EIF4G3: variants seen among roughly 807,000 people sequenced by gnomAD.
EIF4G3 encodes the protein eIF-4-gamma 3.
Under a neutral mutation model 186.4 loss-of-function variants are expected in EIF4G3, and 34 were observed. That is an observed-to-expected ratio of 0.18 (90% confidence interval 0.14 to 0.24). The LOEUF is 0.24. EIF4G3 is among the 10% of genes least tolerant of loss of function. The pLI, the probability that EIF4G3 is intolerant of heterozygous loss-of-function variation, is 1.00. For missense variants in EIF4G3, 1,536 were observed against 1,948.5 expected (o/e 0.79, Z 3.99); for synonymous variants, 673 against 679.5 (o/e 0.99, Z 0.15).
At chr1:20,878,288 T>G (rs895345591) in intron 20 of EIF4G3, among the ~76,000 whole-genome samples, 3 of 152,204 alleles carry the variant, frequency 2.0e-5, no homozygotes, top group African/African-American at 7.2e-5. Context: ...GTATTCCCCA[T>G]TGTGTCAGGT....
At chr1:21,165,164 A>G (rs148410584) in intron 2 of EIF4G3, among the ~76,000 whole-genome samples, 12 of 152,354 alleles carry the variant, frequency 7.9e-5, no homozygotes, top group African/African-American at 2.9e-4. Flanking sequence ...CCTATAATCA[A>G]AAAGACAAAT....
chr1:20,839,878 G>C (rs1279056442), intron 30 of EIF4G3, among the ~76,000 whole-genome samples: 2 of 129,104 alleles, frequency 1.5e-5, no homozygotes, highest in African/African-American at 5.9e-5. Context: ...TTAATCATAT[G>C]TGCATTTAAT....
At chr1:20,966,367 C>A (rs560269742) in intron 12 of EIF4G3, among the ~76,000 whole-genome samples, 8 of 152,128 alleles carry the variant, frequency 5.3e-5, no homozygotes, top group Non-Finnish European at 7.3e-5. Context: ...TCTTCTTTGG[C>A]TGGCAGATTG....
At chr1:20,993,583 A>G (rs1002773624) in intron 7 of EIF4G3, among the ~76,000 whole-genome samples, 1 of 152,214 alleles carries the variant, frequency 6.6e-6, no homozygotes, top group African/African-American at 2.4e-5. Flanking sequence ...TTTAGAAACA[A>G]CAATCATTAA....
intron 20 of EIF4G3, among the ~76,000 whole-genome samples, chr1:20,872,743 G>T: frequency 9.2e-6 from 1 of 108,316 alleles, no homozygotes; most frequent in African/African-American, 3.6e-5. Context: ...TTTTGAGACA[G>T]AGCCTCACTC....
At chr1:20,903,761 G>T (rs1367032820) in intron 15 of EIF4G3, among the ~76,000 whole-genome samples, 1 of 152,116 alleles carries the variant, frequency 6.6e-6, no homozygotes, top group Admixed American at 6.6e-5. Flanking sequence ...CCCAAAGAAG[G>T]TAAGAATTAT....
intron 15 of EIF4G3, among the ~76,000 whole-genome samples, chr1:20,902,680 G>T (rs1054631843): frequency 6.6e-6 from 1 of 152,136 alleles, no homozygotes; most frequent in Non-Finnish European, 1.5e-5. Flanking sequence ...TCGTTCTGTT[G>T]TCCAGGCTGG....
chr1:21,153,094 G>A (rs2097577633), intron 2 of EIF4G3, among the ~76,000 whole-genome samples: 2 of 152,146 alleles, frequency 1.3e-5, no homozygotes, highest in South Asian at 4.1e-4. Flanking sequence ...GAAACTTTCA[G>A]GGACAATGGC....
chr1:20,911,891 T>TTA (rs1382983159), intron 14 of EIF4G3, among the ~76,000 whole-genome samples: 12 of 152,024 alleles, frequency 7.9e-5, no homozygotes, highest in Non-Finnish European at 1.0e-4. Context: ...CCTCTACCCC[T>TTA]TATATAAATA....
chr1:20,869,581 T>C (rs1029619461), intron 20 of EIF4G3, among the ~76,000 whole-genome samples: 5 of 151,604 alleles, frequency 3.3e-5, no homozygotes, highest in Admixed American at 6.6e-5. Context: ...TGAGACCATC[T>C]TGGCTAACAT....
intron 14 of EIF4G3, among the ~76,000 whole-genome samples, chr1:20,922,092 T>C (rs1389755179): frequency 6.6e-6 from 1 of 152,254 alleles, no homozygotes; most frequent in Non-Finnish European, 1.5e-5. Context: ...AGGCCTATAT[T>C]CGTATCAGTC....
At chr1:20,966,543 C>T (rs933196456) in intron 12 of EIF4G3, among the ~76,000 whole-genome samples, 3 of 151,442 alleles carry the variant, frequency 2.0e-5, no homozygotes, top group Admixed American at 1.3e-4. Context: ...GTGCTCTCAG[C>T]TCACTGCAAC....
At chr1:20,948,264 G>T (rs2096057383) in intron 13 of EIF4G3, among the ~76,000 whole-genome samples, 1 of 152,170 alleles carries the variant, frequency 6.6e-6, no homozygotes, top group African/African-American at 2.4e-5. Flanking sequence ...ATCATTGAAG[G>T]TAGCAAGTCG....
At chr1:20,867,803 T>G (rs1318349739) in intron 20 of EIF4G3, among the ~76,000 whole-genome samples, 1 of 152,110 alleles carries the variant, frequency 6.6e-6, no homozygotes, top group East Asian at 1.9e-4. Context: ...CCCAAAATAA[T>G]GGTCAAGAGG....
At chr1:20,991,107 A>T (rs1364631778) in intron 7 of EIF4G3, among the ~76,000 whole-genome samples, 1 of 152,324 alleles carries the variant, frequency 6.6e-6, no homozygotes, top group East Asian at 1.9e-4. Flanking sequence ...CTGTTAATCC[A>T]TGGTAATTTA....
At chr1:20,832,744 G>A (rs2065670425) in intron 30 of EIF4G3, among the ~76,000 whole-genome samples, 1 of 140,196 alleles carries the variant, frequency 7.1e-6, no homozygotes, top group African/African-American at 2.6e-5. Context: ...ATGGTTTTAG[G>A]TCTAACGTTT....
intron 22 of EIF4G3, among the ~76,000 whole-genome samples, chr1:20,862,861 AT>A (rs1321244054): frequency 6.6e-6 from 1 of 152,070 alleles, no homozygotes; most frequent in African/African-American, 2.4e-5. Flanking sequence ...TGCAGCCTCA[AT>A]CTCCTGGGCT....
chr1:21,003,528 G>C (rs1398611226), intron 4 of EIF4G3: 1 of 225,132 alleles, frequency 4.4e-6, no homozygotes, highest in African/African-American at 2.3e-5. Flanking sequence ...TTATTTACAA[G>C]TATGTATTAT....
chr1:21,039,186 C>T (rs965499647), intron 4 of EIF4G3, among the ~76,000 whole-genome samples: 2 of 152,180 alleles, frequency 1.3e-5, no homozygotes, highest in South Asian at 2.1e-4. Flanking sequence ...CAAGACTATT[C>T]AACGGGTAAA....
Sources: gnomAD v4.1 joint callset for allele counts (sites outside exome capture counted in the v4.1 genomes callset) on GRCh38, gnomAD v4.1.1 for gene constraint, MANE v1.5 for transcripts, NCBI Gene and HGNC (gene_info 2026-07-23, HGNC 2026-07-21) for gene names.